MXD1: variants seen among roughly 807,000 people sequenced by gnomAD.
MXD1 encodes the protein MAX-binding protein.
A neutral mutation model predicts 25.7 loss-of-function variants in MXD1; 9 were observed. The observed-to-expected ratio is 0.35, with a 90% CI of 0.21 to 0.61. The LOEUF is 0.61. Ranked by LOEUF, MXD1 falls within the 20% of genes least tolerant of loss-of-function variation. The pLI is 0.75. For synonymous variants in MXD1, 99 were observed against 113.9 expected (o/e 0.87, Z 0.83); for missense variants, 227 against 292.4 (o/e 0.78, Z 1.63).
At chr2:69,937,772 G>C (rs557956630) in intron 5 of MXD1, among the ~76,000 whole-genome samples, 1 of 152,234 alleles carries the variant, frequency 6.6e-6, no homozygotes, top group South Asian at 2.1e-4. Context: ...ACACCACAAT[G>C]CCTGGCAAAT....
chr2:69,923,264 T>C, intron 3 of MXD1, among the ~76,000 whole-genome samples: 1 of 152,202 alleles, frequency 6.6e-6, no homozygotes, highest in East Asian at 1.9e-4. Context: ...CAGGTGATTC[T>C]CATGTGCAGC....
At chr2:69,936,196 G>A (rs908334765) in intron 4 of MXD1, among the ~76,000 whole-genome samples, 6 of 152,074 alleles carry the variant, frequency 3.9e-5, no homozygotes, top group African/African-American at 1.2e-4. Flanking sequence ...ATCCTTCGCT[G>A]ACTTTCCCAA....
chr2:69,919,152 A>T (rs920988913), intron 2 of MXD1, among the ~76,000 whole-genome samples: 1 of 152,146 alleles, frequency 6.6e-6, no homozygotes, highest in Middle Eastern at 3.4e-3. Flanking sequence ...TAAGTATATA[A>T]CTCTATTTAT....
rs766523302 is a variant in MXD1, at chr2:69,938,083, T to C, written c.479-14T>C. The stretch of plus-strand genomic sequence containing the variant: ...CGCTTTCATCAATGTCCTTCTCTCT[T>C]GTCCTCCCTGCAGAAGAAATCGACG... On this transcript the variant is annotated splice_polypyrimidine_tract_variant and intron_variant, in intron 5 of 5. Coordinates refer to ENST00000264444, the MANE Select transcript of MXD1 (RefSeq NM_002357.4). The C allele has an allele frequency of 3.1e-6, 5 of 1,612,264 alleles. No homozygotes were observed. The highest frequency in any genetic ancestry group is 1.1e-5 in the South Asian group (1 of 90,986).
chr2:69,935,294 G>C, intron 3 of MXD1, 57 bp from the exon 4 acceptor site: 1 of 1,232,350 alleles, frequency 8.1e-7, no homozygotes, highest in Non-Finnish European at 1.2e-6. Context: ...ATTCTGCCTG[G>C]GGTGCTTCTG....
chr2:69,935,502 T>A, intron 4 of MXD1, 37 bp downstream of exon 4: 3 of 1,405,230 alleles, frequency 2.1e-6, no homozygotes, highest in Non-Finnish European at 3.0e-6. Context: ...TATCTTTACC[T>A]GTTCAGTGAG....
intron 3 of MXD1, among the ~76,000 whole-genome samples, chr2:69,935,021 A>T (rs961335528): frequency 6.6e-6 from 1 of 152,260 alleles, no homozygotes; most frequent in East Asian, 1.9e-4. Flanking sequence ...TTATAAATTT[A>T]AAAAATTGTA....
rs1458214925 is a variant in MXD1 at position 69,933,211 on chromosome 2, AAAAAAAAAAAAAAC to A, written c.204-2132_204-2119del. Among the ~76,000 whole-genome samples the A allele has an allele frequency of 3.4e-5, 5 of 146,364 alleles. No homozygotes were observed. In the East Asian group the frequency reaches 1.0e-3, roughly 30 times the overall value. ...CAAGAACTCTGTCTCAAAAAAAAAA[AAAAAAAAAAAAAAC>A]AAAAAAAGAAAATTAGTCTATAAGT... is the stretch of plus-strand genomic sequence containing the variant. On this transcript the variant is annotated intron_variant, in intron 3 of 5. Transcript: ENST00000264444.
At chr2:69,919,490 G>A (rs531174185) in intron 2 of MXD1, among the ~76,000 whole-genome samples, 9 of 151,218 alleles carry the variant, frequency 6.0e-5, no homozygotes, top group South Asian at 2.1e-4. Context: ...GATTACAGGC[G>A]TATGTGACCA....
At chr2:69,923,612 G>T (rs898855335) in intron 3 of MXD1, among the ~76,000 whole-genome samples, 1 of 151,642 alleles carries the variant, frequency 6.6e-6, no homozygotes, top group African/African-American at 2.4e-5. Context: ...GATGCTGAGT[G>T]TGCCTCACTG....
intron 4 of MXD1, among the ~76,000 whole-genome samples, chr2:69,936,281 C>T (rs1339923078): frequency 6.6e-6 from 1 of 152,126 alleles, no homozygotes; most frequent in African/African-American, 2.4e-5. Context: ...TGACATTTGA[C>T]AGTGGTTTGT....
rs753469551 is a variant in MXD1 at position 69,916,226 on chromosome 2, T to C, written c.173+6T>C. 2.6e-6 allele frequency: 4 copies of C among 1,545,334 alleles called. No individual in the cohort carries two copies. Among genetic ancestry groups the C allele is most frequent in the Non-Finnish European group, 3.6e-6 (4 of 1,119,434 alleles). On this transcript the variant is annotated splice_donor_region_variant and intron_variant, in intron 2 of 5. Coordinates refer to ENST00000264444, the MANE Select transcript of MXD1 (RefSeq NM_002357.4). ...AAGAATAACAGCAGTAGCAGGTAAT[T>C]TGGTAAATACTTCTTTCTGTCTTTT...
intron 3 of MXD1, among the ~76,000 whole-genome samples, chr2:69,925,664 G>A (rs1677155666): frequency 6.6e-6 from 1 of 152,034 alleles, no homozygotes; most frequent in African/African-American, 2.4e-5. Flanking sequence ...TTAATGCCCA[G>A]TATTATATTA....
rs944532933 is a variant in MXD1 at position 69,938,568 on chromosome 2, A to C, written c.*284A>C. On this transcript the variant is annotated 3_prime_UTR_variant, in exon 6 of 6. Coordinates refer to ENST00000264444, the MANE Select transcript of MXD1 (RefSeq NM_002357.4). ...CTTAGACCGAATAAGCAATGTCCAC[A>C]TCTCAGCAATCCCCCTCTTTGCTCT... 10 of 327,956 alleles carry C rather than the reference A, an allele frequency of 3.0e-5. No individual in the cohort carries two copies. The Admixed American group carries it at 4.1e-4, about 13-fold the overall frequency. 20.3% of individuals were successfully genotyped at this position (327,956 alleles called of 1,614,324 possible).
intron 3 of MXD1, among the ~76,000 whole-genome samples, chr2:69,929,946 T>C (rs1677246570): frequency 6.6e-6 from 1 of 152,224 alleles, no homozygotes; most frequent in South Asian, 2.1e-4. Context: ...GTACAGCACA[T>C]TCCTCCTCAT....
intron 3 of MXD1, among the ~76,000 whole-genome samples, chr2:69,923,071 A>C (rs1677099730): frequency 6.6e-6 from 1 of 151,690 alleles, no homozygotes; most frequent in African/African-American, 2.4e-5. Context: ...AAAACACCCA[A>C]AACAACAACA....
Position 69,915,537 on chromosome 2 carries a change from C to G in MXD1, c.73+134C>G, listed in dbSNP as rs991962678. 41 of 634,866 alleles carry G rather than the reference C, an allele frequency of 6.5e-5. No homozygotes were observed. Among genetic ancestry groups the G allele is most frequent in the Non-Finnish European group, 8.6e-5 (37 of 432,344 alleles). The allele number at this position is 634,866 out of a possible 1,614,324, so 39.3% of individuals were successfully genotyped here. On this transcript the variant is annotated intron_variant, in intron 1 of 5. Transcript: ENST00000264444. The surrounding 1 kb of genome is among the most constrained non-coding windows in gnomAD (Gnocchi z 5.8). ...CCGCGAGCGCTCCCAACCCCTCTGG[C>G]TCTCCCCACGCGCGGTCCGAAGGGA...
At chr2:69,930,311 C>T (rs1218174034) in intron 3 of MXD1, among the ~76,000 whole-genome samples, 1 of 152,134 alleles carries the variant, frequency 6.6e-6, no homozygotes, top group African/African-American at 2.4e-5. Context: ...CAAGTCAATA[C>T]ATATTTGCCT....
intron 3 of MXD1, among the ~76,000 whole-genome samples, chr2:69,929,971 A>C (rs1352225152): frequency 6.6e-6 from 1 of 152,194 alleles, no homozygotes; most frequent in African/African-American, 2.4e-5. Context: ...CTTCTTATTC[A>C]AAAATTTTGG....
Sources: allele counts gnomAD v4.1 joint callset (sites outside exome capture counted in the v4.1 genomes callset), GRCh38; gene constraint gnomAD v4.1.1; non-coding constraint Gnocchi (gnomAD v3.1); transcripts MANE v1.5; gene names NCBI Gene and HGNC (gene_info 2026-07-23, HGNC 2026-07-21).